DDX19B: variants seen among roughly 807,000 people sequenced by gnomAD.
DDX19B encodes ATP-dependent RNA helicase DDX19B.
DDX19B carries 27 observed loss-of-function variants against 58.1 expected under a neutral mutation model. That is an observed-to-expected ratio of 0.46 (90% CI 0.34 to 0.64). DDX19B has a LOEUF of 0.64. Ranked by LOEUF, DDX19B falls within the 30% of genes least tolerant of loss-of-function variation. DDX19B has a pLI of 0.01. For missense variants in DDX19B, 399 were observed against 596.5 expected (o/e 0.67, Z 3.45); for synonymous variants, 187 against 214.4 (o/e 0.87, Z 1.12).
intron 1 of DDX19B, among the ~76,000 whole-genome samples, chr16:70,311,835 T>A (rs1008757930): frequency 6.6e-6 from 1 of 151,740 alleles, no homozygotes; most frequent in African/African-American, 2.4e-5. Context: ...TGCTTTTCTT[T>A]TCTTTTCTTT....
upstream of DDX19B, among the ~76,000 whole-genome samples, chr16:70,296,005 ATT>A (rs113857820): frequency 0.077 from 10,393 of 134,474 alleles, 1,048 homozygotes; most frequent in African/African-American, 0.27. Context: ...TATCTTAAGC[ATT>A]TTTTTTTTTT....
At chr16:70,304,799 C>A (rs1306412123) in intron 1 of DDX19B, among the ~76,000 whole-genome samples, 1 of 150,618 alleles carries the variant, frequency 6.6e-6, no homozygotes, top group African/African-American at 2.4e-5. Flanking sequence ...GAGATTTTCT[C>A]AAGTACTGTC....
intron 3 of DDX19B, 108 bp from the exon 4 acceptor site, chr16:70,315,861 A>G: frequency 7.3e-7 from 1 of 1,376,274 alleles, no homozygotes; most frequent in Non-Finnish European, 9.7e-7. Context: ...CTTGAATTTG[A>G]ATGTTCAGTA....
At chr16:70,309,817 CAAAA>C (rs61033553) in intron 1 of DDX19B, among the ~76,000 whole-genome samples, 10 of 42,638 alleles carry the variant, frequency 2.3e-4, no homozygotes, top group East Asian at 2.2e-3. Flanking sequence ...GACTCCGTCT[CAAAA>C]AAAAAAAAAA....
At chr16:70,332,596 C>T (rs1163241509) in intron 10 of DDX19B, among the ~76,000 whole-genome samples, 7 of 152,196 alleles carry the variant, frequency 4.6e-5, no homozygotes, top group African/African-American at 9.6e-5. Flanking sequence ...CCACCGCACT[C>T]GGCCCCCCAA....
At chr16:70,291,312 A>T (rs901370996), upstream of DDX19B, among the ~76,000 whole-genome samples, 1 of 152,210 alleles carries the variant, frequency 6.6e-6, no homozygotes, top group African/African-American at 2.4e-5. Context: ...ACAGTGCCCT[A>T]AATAACATAT....
intron 1 of DDX19B, among the ~76,000 whole-genome samples, chr16:70,304,133 G>A (rs1189572005): frequency 6.7e-6 from 1 of 148,298 alleles, no homozygotes; most frequent in Admixed American, 6.8e-5. Flanking sequence ...CCTCGCCTCC[G>A]GGGTTCAAGC....
At chr16:70,309,077 C>T (rs887639858) in intron 1 of DDX19B, among the ~76,000 whole-genome samples, 1 of 151,786 alleles carries the variant, frequency 6.6e-6, no homozygotes, top group Non-Finnish European at 1.5e-5. Context: ...CGGCTTTCTC[C>T]AGTTGAATGG....
Position 70,335,275 on chromosome 16 carries a change from A to G in DDX19B, c.*1693A>G, listed in dbSNP as rs59333886. 9 of 152,268 alleles carry G rather than the reference A, an allele frequency of 5.9e-5. No homozygotes were observed. In the East Asian group the frequency reaches 1.7e-3, roughly 29 times the overall value. 9.4% of individuals were successfully genotyped at this position (152,268 alleles called of 1,614,324 possible). A position where few individuals can be genotyped will look rare whatever the true frequency, so the allele number is the denominator to read the frequency against. ...TGAAATACTAAAAACAAGGGCAATA[A>G]TTAAAGAAGTATAGACTCTTTAGTA... On this transcript the variant is annotated 3_prime_UTR_variant, in exon 12 of 12. Coordinates refer to ENST00000288071, the MANE Select transcript of DDX19B (RefSeq NM_007242.7).
At chr16:70,317,663 G>C (rs1962507331) in intron 5 of DDX19B, 75 bp downstream of exon 5, 2 of 1,378,552 alleles carry the variant, frequency 1.5e-6, no homozygotes, top group African/African-American at 2.9e-5. Context: ...TCACAGGCCA[G>C]CAAGGTGGCT....
chr16:70,326,044 C>G (rs543155774), intron 7 of DDX19B, among the ~76,000 whole-genome samples: 1 of 152,298 alleles, frequency 6.6e-6, no homozygotes, highest in Non-Finnish European at 1.5e-5. Flanking sequence ...GGTTTTTCGA[C>G]CAAGATCAAG....
intron 1 of DDX19B, among the ~76,000 whole-genome samples, chr16:70,306,714 G>A (rs1159646949): frequency 6.6e-6 from 1 of 152,172 alleles, no homozygotes; most frequent in Non-Finnish European, 1.5e-5. Flanking sequence ...TTATGAAACA[G>A]AATCTTGAGA....
chr16:70,333,785 C>T lies in DDX19B; in HGVS notation c.*203C>T, dbSNP rs1289561246. On this transcript the variant is annotated 3_prime_UTR_variant, in exon 12 of 12. Coordinates refer to ENST00000288071, the MANE Select transcript of DDX19B (RefSeq NM_007242.7). The stretch of plus-strand genomic sequence containing the variant: ...GGTAGAAAAAAATTATTTACACAAC[C>T]TTGGAAGATTAGGCATGAATACACA... 4 of 724,838 alleles carry T rather than the reference C, an allele frequency of 5.5e-6. No homozygotes were observed. In the South Asian group the frequency reaches 5.5e-5, roughly 10 times the overall value. The allele number at this position is 724,838 out of a possible 1,614,324, so 44.9% of individuals were successfully genotyped here.
intron 7 of DDX19B, 61 bp from the exon 8 acceptor site, chr16:70,329,222 CAAAAAAAAA>C (rs531084597): frequency 8.0e-7 from 1 of 1,252,670 alleles, no homozygotes; most frequent in Non-Finnish European, 1.0e-6. Flanking sequence ...GACTCTGTCT[CAAAAAAAAA>C]AAAAAAAAAA....
At chr16:70,291,027 T>C (rs925061322), upstream of DDX19B, among the ~76,000 whole-genome samples, 1 of 152,238 alleles carries the variant, frequency 6.6e-6, no homozygotes, top group Non-Finnish European at 1.5e-5. Flanking sequence ...AAGAGCATCC[T>C]ACACAAAAAG....
intron 6 of DDX19B, among the ~76,000 whole-genome samples, chr16:70,324,962 A>T (rs1963065436): frequency 6.6e-6 from 1 of 152,206 alleles, no homozygotes; most frequent in South Asian, 2.1e-4. Context: ...GAGGCAAGAG[A>T]ATCATTTGAA....
chr16:70,296,095 C>G (rs764969047), upstream of DDX19B, among the ~76,000 whole-genome samples: 1 of 151,314 alleles, frequency 6.6e-6, no homozygotes, highest in Non-Finnish European at 1.5e-5. Context: ...ACCTCTGCCT[C>G]CTGGGTTCAA....
chr16:70,324,291 A>C (rs959818659), intron 5 of DDX19B, among the ~76,000 whole-genome samples: 2 of 138,582 alleles, frequency 1.4e-5, no homozygotes, highest in Non-Finnish European at 3.1e-5. Flanking sequence ...TGAGCCCAGG[A>C]GGTTGAGGCT....
chr16:70,328,888 A>G (rs971197697), intron 7 of DDX19B, among the ~76,000 whole-genome samples: 7 of 151,924 alleles, frequency 4.6e-5, no homozygotes, highest in Non-Finnish European at 1.0e-4. Flanking sequence ...ATAGGTTTAG[A>G]ATTTCTCAGA....
Sources: gnomAD v4.1 joint callset for allele counts (sites outside exome capture counted in the v4.1 genomes callset) on GRCh38, gnomAD v4.1.1 for gene constraint, MANE v1.5 for transcripts, NCBI Gene and HGNC (gene_info 2026-07-23, HGNC 2026-07-21) for gene names.